Variants in PRDM2 observed in about 807,000 individuals in gnomAD.
PRDM2 encodes the protein PR domain zinc finger protein 2.
Under a neutral mutation model 130.0 loss-of-function variants are expected in PRDM2, and 30 were observed. The ratio of observed to expected loss-of-function variants is 0.23; its 90% CI spans 0.17 to 0.31. The LOEUF is 0.31. PRDM2 is among the 10% of genes least tolerant of loss of function. PRDM2 has a pLI of 1.00. For missense variants in PRDM2, 2,011 were observed against 2,108.4 expected (o/e 0.95, Z 0.90); for synonymous variants, 871 against 782.4 (o/e 1.11, Z -1.89).
At chr1:13,776,596 A>C (rs1206757244) in intron 7 of PRDM2, among the ~76,000 whole-genome samples, 1 of 152,066 alleles carries the variant, frequency 6.6e-6, no homozygotes, top group Non-Finnish European at 1.5e-5. Context: ...TTCTCTTAGG[A>C]ACTCTGTTAG....
At position 13,737,708 on chromosome 1, in the gene PRDM2, G is replaced by A. The variant is rs531030405; in HGVS notation, c.232-4297G>A. On this transcript the variant is annotated intron_variant, in intron 4 of 9. Transcript: ENST00000311066. Reference sequence around the variant, plus strand: ...CTGTAGGACAGACAAGGACATTGAAGTACAGAGAATTAAGTGATCTTTTTG... The same window carrying A: ...CTGTAGGACAGACAAGGACATTGAAATACAGAGAATTAAGTGATCTTTTTG... 4.7e-4 allele frequency among the ~76,000 whole-genome samples: 71 copies of A among 152,260 alleles called. 1 individual carries two copies. The highest frequency in any genetic ancestry group is 1.5e-3 in the African/African-American group (62 of 41,546).
chr1:13,795,264 A>G (rs1001502037), intron 8 of PRDM2, among the ~76,000 whole-genome samples: 1 of 152,236 alleles, frequency 6.6e-6, no homozygotes, highest in African/African-American at 2.4e-5. Flanking sequence ...CGATGTAAAT[A>G]AAGGGCTTTC....
In PRDM2 at chr1:13,725,705, CAT is replaced by C. The variant is rs1381004108; in HGVS notation, c.10-5294_10-5293del. On this transcript the variant is annotated intron_variant, in intron 2 of 9. Transcript: ENST00000311066. ...CCACCAGAATGATGACATTTTCACA[CAT>C]GATAGCCTCCAGAAAACTCCACTCT... Among the ~76,000 whole-genome samples the C allele has an allele frequency of 2.0e-4, 31 of 152,326 alleles. 1 individual carries two copies. The highest frequency in any genetic ancestry group is 6.5e-4 in the Admixed American group (10 of 15,298).
At chr1:13,795,865 G>C (rs948931750) in intron 8 of PRDM2, among the ~76,000 whole-genome samples, 3 of 152,166 alleles carry the variant, frequency 2.0e-5, no homozygotes, top group Admixed American at 1.3e-4. Context: ...TTCCAAGCCA[G>C]GGTTGACCAG....
intron 1 of PRDM2, among the ~76,000 whole-genome samples, chr1:13,706,216 C>G (rs1356789039): frequency 6.6e-6 from 1 of 152,186 alleles, no homozygotes; most frequent in Non-Finnish European, 1.5e-5. Context: ...CAGCTCTTGA[C>G]TGCAATTCAA....
intron 8 of PRDM2, among the ~76,000 whole-genome samples, chr1:13,797,862 C>A (rs35014868): frequency 0.17 from 25,829 of 152,152 alleles, 2,753 homozygotes; most frequent in Non-Finnish European, 0.22. Context: ...AGTATTATTA[C>A]TTTTTTTAAT....
intron 8 of PRDM2, among the ~76,000 whole-genome samples, chr1:13,805,537 C>T (rs907000027): frequency 6.6e-6 from 1 of 152,020 alleles, no homozygotes; most frequent in Non-Finnish European, 1.5e-5. Flanking sequence ...CCCACAGCTC[C>T]CACCTGTGGG....
At chr1:13,787,672 GACGCTTCA>G (rs998620935) in intron 8 of PRDM2, 13 of 979,854 alleles carry the variant, frequency 1.3e-5, no homozygotes, top group African/African-American at 1.8e-5. Flanking sequence ...AATTGTTTTG[GACGCTTCA>G]ATTGTATTAT....
At chr1:13,730,897 G>T (rs569301740) in intron 2 of PRDM2, 103 bp from the exon 3 acceptor site, 1 of 783,226 alleles carries the variant, frequency 1.3e-6, no homozygotes, top group South Asian at 1.8e-5. Context: ...TTCAGGTTTC[G>T]GTTACATTTT....
chr1:13,814,063 C>T (rs903717694), intron 8 of PRDM2, among the ~76,000 whole-genome samples: 1 of 152,186 alleles, frequency 6.6e-6, no homozygotes, highest in African/African-American at 2.4e-5. Flanking sequence ...AGGGGGACAT[C>T]GTAGGGAGGG....
At chr1:13,741,467 G>A (rs778997863) in intron 4 of PRDM2, among the ~76,000 whole-genome samples, 1 of 152,140 alleles carries the variant, frequency 6.6e-6, no homozygotes, top group Non-Finnish European at 1.5e-5. Context: ...TTCACAATGC[G>A]TGTTCACTCC....
rs1324982608 is a variant in PRDM2, at chr1:13,781,013, C to T, written c.3218C>T (p.Pro1073Leu). ...SFSSSSSSSS[P>L]SPPPLSAISS... ...TCTTCTTCATCTTCCTCCTCTTCTCCTTCTCCACCTCCTCTCTCCGCAATA... is the reference window on the plus strand; with the variant it reads ...TCTTCTTCATCTTCCTCCTCTTCTCTTTCTCCACCTCCTCTCTCCGCAATA... Residue 1073 changes from proline (P) to leucine (L), a missense_variant, in exon 8 of 10, where the codon CCT (proline) becomes CTT (leucine). Coordinates refer to ENST00000311066, the MANE Select transcript of PRDM2 (RefSeq NM_001393986.1). This position sits in a 1 kb window ranked among gnomAD's most constrained non-coding sequence, Gnocchi z 6.1. The T allele has an allele frequency of 1.9e-6, 3 of 1,604,484 alleles. No homozygotes were observed. The highest frequency in any genetic ancestry group is 2.6e-6 in the Non-Finnish European group (3 of 1,171,438).
rs192789802 is a variant in PRDM2 at position 13,801,993 on chromosome 1, G to A, written c.5037-14434G>A. On this transcript the variant is annotated intron_variant, in intron 8 of 9. Coordinates refer to ENST00000311066, the MANE Select transcript of PRDM2 (RefSeq NM_001393986.1). ...GGATCAGAGTCATCTGACACCTGCAGGCCTCCGTAGGCTCCTCGTGTGTAA... is the reference window on the plus strand; with the variant it reads ...GGATCAGAGTCATCTGACACCTGCAAGCCTCCGTAGGCTCCTCGTGTGTAA... Among the ~76,000 whole-genome samples the A allele has an allele frequency of 5.4e-3, 830 of 152,342 alleles. 7 individuals carry two copies. Among genetic ancestry groups the A allele is most frequent in the African/African-American group, 0.019 (794 of 41,572 alleles).
chr1:13,747,704 C>G (rs1168998230), intron 5 of PRDM2, among the ~76,000 whole-genome samples: 1 of 144,238 alleles, frequency 6.9e-6, no homozygotes, highest in Non-Finnish European at 1.5e-5. Flanking sequence ...TTTATCTAGA[C>G]TAGAAGGTAT....
At chr1:13,700,559 C>T (rs1335727985) in intron 1 of PRDM2, among the ~76,000 whole-genome samples, 1 of 151,288 alleles carries the variant, frequency 6.6e-6, no homozygotes, top group African/African-American at 2.4e-5. Flanking sequence ...GTCCCTGCGG[C>T]GAAGTTCGGG....
rs988719725 is a variant in PRDM2 at position 13,779,598 on chromosome 1, G to A, written c.1803G>A (p.Leu601=). 6.2e-7 allele frequency: 1 copy of A among 1,614,062 alleles called. No homozygotes were observed. Among genetic ancestry groups the A allele is most frequent in the Non-Finnish European group, 8.5e-7 (1 of 1,179,940 alleles). Residue 601 remains leucine (L), a synonymous_variant, in exon 8 of 10, where the codon CTG becomes CTA. Coordinates refer to ENST00000311066, the MANE Select transcript of PRDM2 (RefSeq NM_001393986.1). The surrounding 1 kb of genome is among the most constrained non-coding windows in gnomAD (Gnocchi z 4.9). ...ASADLYGINC[L]LTPVTVEITQ... ...CAGATTTGTATGGTATAAATTGTCT[G>A]CTCACTCCAGTTACAGTGGAAATTA...
chr1:13,743,721 G>C (rs1643520732), intron 5 of PRDM2, among the ~76,000 whole-genome samples: 1 of 152,190 alleles, frequency 6.6e-6, no homozygotes, highest in African/African-American at 2.4e-5. Flanking sequence ...TTAACCTGTA[G>C]CTGTTTAATT....
chr1:13,779,030 A>G lies in PRDM2; in HGVS notation c.1235A>G (p.His412Arg), dbSNP rs748110318. 4 of 1,614,216 alleles carry G rather than the reference A, an allele frequency of 2.5e-6. No individual in the cohort carries two copies. Among genetic ancestry groups the G allele is most frequent in the Admixed American group, 3.3e-5 (2 of 60,028 alleles). ...QINRRRHERR[H>R]EAGLKRKPSQ... Reference sequence around the variant, plus strand: ...AACCGGCGGCGACATGAGCGGCGCCATGAAGCAGGGTTAAAGCGGAAACCC... The same window carrying G: ...AACCGGCGGCGACATGAGCGGCGCCGTGAAGCAGGGTTAAAGCGGAAACCC... The change falls in exon 8 of 10, where the codon CAT (histidine) becomes CGT (arginine). Residue 412 changes from histidine to arginine, a missense_variant. His to Arg is a conservative substitution (Grantham distance 29). Around this residue, in one of 5 missense-constraint regions of PRDM2, gnomAD observed 1,288 missense variants for 1,237.7 expected, o/e 1.04. Transcript: ENST00000311066. The surrounding 1 kb of genome is among the most constrained non-coding windows in gnomAD (Gnocchi z 4.9).
At chr1:13,700,748 C>T (rs908852549) in intron 1 of PRDM2, among the ~76,000 whole-genome samples, 1 of 152,130 alleles carries the variant, frequency 6.6e-6, no homozygotes. Flanking sequence ...GTGTCTTGCA[C>T]ATTTGCACTC....
Sources: gnomAD v4.1 joint callset for allele counts (sites outside exome capture counted in the v4.1 genomes callset) on GRCh38, gnomAD v4.1.1 for gene constraint, gnomAD v4.1.1 regional missense constraint, Gnocchi (gnomAD v3.1) non-coding constraint, MANE v1.5 for transcripts, NCBI Gene and HGNC (gene_info 2026-07-23, HGNC 2026-07-21) for gene names.